The following SGCD variants were observed in gnomAD, a reference collection of about 807,000 sequenced individuals.
SGCD encodes sarcoglycan delta, also known as delta-sarcoglycan.
SGCD carries 18 observed loss-of-function variants against 36.6 expected under a neutral mutation model. That is an observed-to-expected ratio of 0.49 (90% CI 0.34 to 0.73). The LOEUF (loss-of-function observed/expected upper bound fraction) is 0.73. Among genes scored for constraint, SGCD ranks in the 30% least tolerant of loss-of-function variants. The pLI is 0.01. For synonymous variants in SGCD, 133 were observed against 130.6 expected (o/e 1.02, Z -0.12); for missense variants, 387 against 346.7 (o/e 1.12, Z -0.92).
intron 7 of SGCD, among the ~76,000 whole-genome samples, chr5:156,671,212 C>G (rs1581372608): frequency 6.7e-6 from 1 of 148,848 alleles, no homozygotes; most frequent in Non-Finnish European, 1.5e-5. Flanking sequence ...AAATTCAGGT[C>G]TCTGGCTTTC....
At chr5:156,595,103 G>T in intron 6 of SGCD, 52 bp downstream of exon 6, 1 of 1,556,394 alleles carries the variant, frequency 6.4e-7, no homozygotes, top group South Asian at 1.2e-5. Context: ...GTACATTTTA[G>T]AGGAGAAGCA....
chr5:156,341,157 T>A (rs559152426), intron 2 of SGCD, among the ~76,000 whole-genome samples: 1 of 152,132 alleles, frequency 6.6e-6, no homozygotes, highest in Non-Finnish European at 1.5e-5. Flanking sequence ...TCTAATTTGC[T>A]GTGTGACTTG....
chr5:155,976,915 C>T (rs1197304317), intron 1 of SGCD, among the ~76,000 whole-genome samples: 5 of 151,930 alleles, frequency 3.3e-5, no homozygotes, highest in Non-Finnish European at 7.4e-5. Flanking sequence ...GGTTTTGTCC[C>T]CTCCTTCATT....
chr5:156,435,885 G>A (rs570890257), intron 3 of SGCD, among the ~76,000 whole-genome samples: 99 of 152,228 alleles, frequency 6.5e-4, no homozygotes, highest in African/African-American at 2.2e-3. Context: ...CAATGTTTAC[G>A]CAGGCTACCT....
At chr5:156,140,602 G>A (rs1029373944) in intron 3 of SGCD, among the ~76,000 whole-genome samples, 21 of 152,204 alleles carry the variant, frequency 1.4e-4, no homozygotes, top group South Asian at 6.2e-4. Flanking sequence ...ATCTCTAGGC[G>A]GAGTGTTTAG....
chr5:156,492,382 T>C (rs1755984595), intron 3 of SGCD, among the ~76,000 whole-genome samples: 1 of 152,046 alleles, frequency 6.6e-6, no homozygotes, highest in African/African-American at 2.4e-5. Context: ...ACCTGGAGAC[T>C]CAGGAGAACT....
chr5:156,125,647 AG>A (rs1438747785), intron 3 of SGCD, among the ~76,000 whole-genome samples: 1 of 151,870 alleles, frequency 6.6e-6, no homozygotes, highest in African/African-American at 2.4e-5. Context: ...GACATCTTTA[AG>A]GAAGTTTCAG....
At position 156,211,481 on chromosome 5, in the gene SGCD, G is replaced by A. The variant is rs185919119; in HGVS notation, c.-44+87462G>A. 9.1e-3 allele frequency among the ~76,000 whole-genome samples: 1,380 copies of A among 151,978 alleles called. 7 individuals are homozygous for A. Among genetic ancestry groups the A allele is most frequent in the Non-Finnish European group, 0.015 (1,029 of 67,942 alleles). ...AAATTAGCTGGGCGTGGTGGCGGGC[G>A]CCTGTAGTCCCAGCTACTCGGGAGG... On this transcript the variant is annotated intron_variant, in intron 3 of 9. Transcript: ENST00000517913.
At chr5:156,401,355 C>A (rs1772136442) in intron 3 of SGCD, among the ~76,000 whole-genome samples, 1 of 152,178 alleles carries the variant, frequency 6.6e-6, no homozygotes, top group South Asian at 2.1e-4. Context: ...TTCAGTGTTA[C>A]AATAAACTTT....
intron 6 of SGCD, among the ~76,000 whole-genome samples, chr5:156,618,181 C>T (rs1056303383): frequency 2.6e-5 from 4 of 152,104 alleles, no homozygotes; most frequent in African/African-American, 9.7e-5. Context: ...TAGTCCAAAC[C>T]TTGATGCCTG....
Position 156,664,912 on chromosome 5 carries a change from G to A in SGCD, c.575+17376G>A, listed in dbSNP as rs374814491. On this transcript the variant is annotated intron_variant, in intron 7 of 8. Coordinates refer to ENST00000337851, the MANE Select transcript of SGCD (RefSeq NM_000337.6). ...TTGGGCTCCTTCTCCAGGTGGCATC[G>A]GTTCTAACGTTACTGGGAATTGCCA... Among the ~76,000 whole-genome samples, 693 of 142,936 alleles carry A rather than the reference G, an allele frequency of 4.8e-3. 6 individuals carry two copies. The East Asian group carries it at 0.082, about 17-fold the overall frequency. 93.8% of individuals were successfully genotyped at this position (142,936 alleles called of 152,430 possible). A position where few individuals can be genotyped will look rare whatever the true frequency, so the allele number is the denominator to read the frequency against.
intron 7 of SGCD, among the ~76,000 whole-genome samples, chr5:156,663,485 C>T (rs372541004): frequency 0.039 from 3,950 of 100,424 alleles, no homozygotes; most frequent in Middle Eastern, 0.051. Flanking sequence ...CCCTCCTATT[C>T]TTTTTATTTC....
intron 1 of SGCD, among the ~76,000 whole-genome samples, chr5:155,929,794 T>C (rs578258293): frequency 6.6e-6 from 1 of 152,336 alleles, no homozygotes; most frequent in African/African-American, 2.4e-5. Flanking sequence ...AAATAATCAT[T>C]CACACAAGTA....
intron 3 of SGCD, among the ~76,000 whole-genome samples, chr5:156,241,741 T>G (rs747441922): frequency 2.0e-5 from 3 of 152,242 alleles, no homozygotes; most frequent in Non-Finnish European, 4.4e-5. Flanking sequence ...CAGGCATTCA[T>G]GGAGCGACTA....
chr5:156,013,969 G>A (rs191313044), intron 1 of SGCD, among the ~76,000 whole-genome samples: 1 of 150,376 alleles, frequency 6.6e-6, no homozygotes, highest in Admixed American at 6.6e-5. Flanking sequence ...GATATGTTTT[G>A]GTTATTTACG....
chr5:156,487,496 A>C (rs1402464891), intron 3 of SGCD, among the ~76,000 whole-genome samples: 1 of 152,142 alleles, frequency 6.6e-6, no homozygotes. Flanking sequence ...TCACCATACA[A>C]GAGCTTAACA....
At chr5:156,274,564 TTTGCCTCAGCCTCTAATG>T (rs1471795500) in intron 3 of SGCD, among the ~76,000 whole-genome samples, 20 of 152,162 alleles carry the variant, frequency 1.3e-4, no homozygotes, top group African/African-American at 3.4e-4. Context: ...TAAATTTCCT[TTTGCCTCAGCCTCTAATG>T]TGGCTCCAGA....
At chr5:156,638,155 G>T (rs1283450614) in intron 6 of SGCD, among the ~76,000 whole-genome samples, 5 of 150,442 alleles carry the variant, frequency 3.3e-5, no homozygotes, top group Non-Finnish European at 5.9e-5. Flanking sequence ...CATCTCACTG[G>T]TATCCATTGA....
chr5:156,415,896 C>T (rs1395265286), intron 3 of SGCD, among the ~76,000 whole-genome samples: 1 of 152,074 alleles, frequency 6.6e-6, no homozygotes, highest in Non-Finnish European at 1.5e-5. Context: ...CTAAAATAGG[C>T]TTAGTATTTA....
Sources: allele counts gnomAD v4.1 joint callset (sites outside exome capture counted in the v4.1 genomes callset), GRCh38; gene constraint gnomAD v4.1.1; transcripts MANE v1.5; gene names NCBI Gene and HGNC (gene_info 2026-07-23, HGNC 2026-07-21).